Variants in KDM4C observed in about 807,000 individuals in gnomAD.
KDM4C encodes the protein lysine demethylase 4C, also known as lysine-specific demethylase 4C.
KDM4C carries 81 observed loss-of-function variants against 129.3 expected under a neutral mutation model. The ratio of observed to expected loss-of-function variants is 0.63; its 90% CI spans 0.52 to 0.75. KDM4C has a LOEUF of 0.75. Ranked by LOEUF, KDM4C falls within the 30% of genes least tolerant of loss-of-function variation. The pLI is 0.00. For missense variants in KDM4C, 1,457 were observed against 1,304.0 expected, an observed-to-expected ratio of 1.12 and a Z score of -1.81; for synonymous variants, 573 against 456.1, an observed-to-expected ratio of 1.26 and a Z score of -3.26.
At chr9:6,885,086 G>A (rs1845053347) in intron 6 of KDM4C, among the ~76,000 whole-genome samples, 1 of 152,126 alleles carries the variant, frequency 6.6e-6, no homozygotes, top group Admixed American at 6.5e-5. Flanking sequence ...GTTTACAGTG[G>A]TGTAATTAAT....
chr9:7,124,164 A>G (rs55723411), intron 18 of KDM4C, among the ~76,000 whole-genome samples: 3,617 of 152,324 alleles, frequency 0.024, 117 homozygotes, highest in African/African-American at 0.083. Flanking sequence ...AAGATCATCC[A>G]GCTAGTAAGA....
intron 1 of KDM4C, among the ~76,000 whole-genome samples, chr9:6,784,560 AG>A (rs1419965877): frequency 6.6e-6 from 1 of 152,040 alleles, no homozygotes; most frequent in Non-Finnish European, 1.5e-5. Flanking sequence ...AAAAGAAAAG[AG>A]GAAAAAAAAA....
chr9:6,879,188 T>A (rs1844059064), intron 5 of KDM4C, among the ~76,000 whole-genome samples: 1 of 152,156 alleles, frequency 6.6e-6, no homozygotes, highest in Non-Finnish European at 1.5e-5. Context: ...AAAAGTATAG[T>A]TTATATGTAA....
chr9:6,733,448 T>A (rs926108279), intron 1 of KDM4C, among the ~76,000 whole-genome samples: 1 of 152,220 alleles, frequency 6.6e-6, no homozygotes, highest in African/African-American at 2.4e-5. Flanking sequence ...TCAGCAAGTG[T>A]GACCCTTTCA....
intron 1 of KDM4C, among the ~76,000 whole-genome samples, chr9:6,761,064 C>T (rs1186202970): frequency 6.7e-6 from 1 of 150,178 alleles, no homozygotes; most frequent in Non-Finnish European, 1.5e-5. Context: ...CACTCTGTGC[C>T]AATGGCGCGA....
intron 12 of KDM4C, among the ~76,000 whole-genome samples, chr9:6,993,183 A>T (rs548013614): frequency 6.6e-6 from 1 of 152,270 alleles, no homozygotes; most frequent in African/African-American, 2.4e-5. Flanking sequence ...GGTGGTGGAG[A>T]AGAGGGGGCT....
chr9:6,729,559 A>T (rs1817255514), intron 1 of KDM4C, among the ~76,000 whole-genome samples: 1 of 133,874 alleles, frequency 7.5e-6, no homozygotes, highest in Non-Finnish European at 1.5e-5. Context: ...AAAAAAAACA[A>T]ATCTCCATAA....
chr9:6,755,992 G>A (rs552740957), upstream of KDM4C, among the ~76,000 whole-genome samples: 1 of 152,092 alleles, frequency 6.6e-6, no homozygotes, highest in South Asian at 2.1e-4. Context: ...AGTTCTTCAG[G>A]TTAAAAAAAA....
intron 3 of KDM4C, 112 bp downstream of exon 3, chr9:6,805,886 A>C (rs376261072): frequency 4.3e-6 from 4 of 919,868 alleles, no homozygotes; most frequent in Non-Finnish European, 6.3e-6. Context: ...CTCCCATGCA[A>C]TTTTTCACCC....
chr9:6,876,236 A>G (rs1843534713), intron 5 of KDM4C, among the ~76,000 whole-genome samples: 1 of 152,164 alleles, frequency 6.6e-6, no homozygotes, highest in Admixed American at 6.5e-5. Flanking sequence ...TGTAGCCATC[A>G]TTTACCCTTG....
At position 6,725,160 on chromosome 9, in the gene KDM4C, C is replaced by T. The variant is rs181500445; in HGVS notation, c.49+4163C>T. On this transcript the variant is annotated intron_variant, in intron 1 of 17. Coordinates refer to the KDM4C transcript ENST00000536108. The stretch of plus-strand genomic sequence containing the variant: ...GTTTTAAAAAATCTAATGTGATCCC[C>T]TTATCCTTGAGGGAGATCGAGGCCG... Among the ~76,000 whole-genome samples, 45 of 152,268 alleles carry T rather than the reference C, an allele frequency of 3.0e-4. 2 individuals carry two copies. In the South Asian group the frequency reaches 6.4e-3, roughly 22 times the overall value.
chr9:7,002,185 A>G (rs902796225), intron 12 of KDM4C, among the ~76,000 whole-genome samples: 17 of 152,134 alleles, frequency 1.1e-4, no homozygotes, highest in African/African-American at 3.9e-4. Flanking sequence ...GAGCCACCGC[A>G]CTTGCCTCCC....
chr9:7,160,395 T>C (rs968231205), intron 19 of KDM4C, among the ~76,000 whole-genome samples: 2 of 152,222 alleles, frequency 1.3e-5, no homozygotes, highest in African/African-American at 4.8e-5. Context: ...CTGTGATCCT[T>C]TGGAGAAGAG....
At chr9:6,796,878 T>C (rs1050742962) in intron 2 of KDM4C, among the ~76,000 whole-genome samples, 1 of 152,202 alleles carries the variant, frequency 6.6e-6, no homozygotes, top group Non-Finnish European at 1.5e-5. Context: ...TGTATAAAAC[T>C]GTACCGAATC....
chr9:6,828,162 T>A (rs557320530), intron 4 of KDM4C, among the ~76,000 whole-genome samples: 8 of 152,236 alleles, frequency 5.3e-5, no homozygotes, highest in African/African-American at 1.9e-4. Context: ...TTCTTTTTTT[T>A]TTTGAGACGG....
intron 1 of KDM4C, among the ~76,000 whole-genome samples, chr9:6,780,545 T>A (rs531472361): frequency 6.6e-6 from 1 of 151,818 alleles, no homozygotes; most frequent in Non-Finnish European, 1.5e-5. Context: ...GGCAGGCAGA[T>A]CTCTTCGAGC....
At chr9:6,981,744 G>A (rs1816797152) in intron 9 of KDM4C, 1 of 180,654 alleles carries the variant, frequency 5.5e-6, no homozygotes, top group Non-Finnish European at 1.4e-5. Context: ...GGTGTGTGTG[G>A]TGTTGCTCAG....
intron 5 of KDM4C, among the ~76,000 whole-genome samples, chr9:6,863,665 G>T (rs1454105651): frequency 6.6e-6 from 1 of 151,812 alleles, no homozygotes; most frequent in Non-Finnish European, 1.5e-5. Context: ...GCGTGGTGGC[G>T]GGCGCCTGTA....
chr9:7,155,856 T>G (rs904807037), intron 19 of KDM4C, among the ~76,000 whole-genome samples: 19 of 152,246 alleles, frequency 1.2e-4, no homozygotes, highest in African/African-American at 4.3e-4. Flanking sequence ...TGATTTATAA[T>G]CCTTTGGGAA....
Sources: allele counts gnomAD v4.1 joint callset (sites outside exome capture counted in the v4.1 genomes callset), GRCh38; gene constraint gnomAD v4.1.1; transcripts MANE v1.5; gene names NCBI Gene and HGNC (gene_info 2026-07-23, HGNC 2026-07-21).